Variants in EEPD1 observed in about 807,000 individuals in gnomAD.
EEPD1 encodes endonuclease/exonuclease/phosphatase family domain-containing protein 1.
Under a neutral mutation model 46.3 loss-of-function variants are expected in EEPD1, and 17 were observed. That is an observed-to-expected ratio of 0.37 (90% CI 0.25 to 0.55). The LOEUF is 0.55. EEPD1 is among the 20% of genes least tolerant of loss of function. EEPD1 has a pLI of 0.83. For synonymous variants in EEPD1, 313 were observed against 315.6 expected (o/e 0.99, Z 0.09); for missense variants, 673 against 745.6 (o/e 0.90, Z 1.13).
At chr7:36,280,760 G>T (rs1047823902) in intron 3 of EEPD1, among the ~76,000 whole-genome samples, 12 of 152,186 alleles carry the variant, frequency 7.9e-5, no homozygotes, top group African/African-American at 2.9e-4. Flanking sequence ...CGCTGATCCA[G>T]ATCCTCCTGG....
intron 6 of EEPD1, among the ~76,000 whole-genome samples, chr7:36,295,045 G>C (rs1357021326): frequency 6.6e-6 from 1 of 152,052 alleles, no homozygotes; most frequent in African/African-American, 2.4e-5. Context: ...AGGCGTGGTG[G>C]TCCATACCTG....
chr7:36,230,653 T>C (rs1044677232), intron 2 of EEPD1: 2 of 152,208 alleles, frequency 1.3e-5, no homozygotes, highest in African/African-American at 4.8e-5. Context: ...CTCCCAGCTT[T>C]GTGCAGTGCC....
chr7:36,165,584 C>CT (rs1415050558), intron 2 of EEPD1, among the ~76,000 whole-genome samples: 16 of 51,838 alleles, frequency 3.1e-4, no homozygotes, highest in Non-Finnish European at 6.4e-4. Flanking sequence ...CACGCCCCAG[C>CT]TAATTTATTT....
intron 2 of EEPD1, among the ~76,000 whole-genome samples, chr7:36,156,620 G>A (rs987023591): frequency 1.3e-5 from 2 of 152,176 alleles, no homozygotes; most frequent in Non-Finnish European, 2.9e-5. Context: ...TGGGAGGGGG[G>A]TGATGGATTA....
chr7:36,207,577 T>C (rs564379665), intron 2 of EEPD1, among the ~76,000 whole-genome samples: 1 of 152,306 alleles, frequency 6.6e-6, no homozygotes, highest in African/African-American at 2.4e-5. Flanking sequence ...GGTGGTTCTT[T>C]ATGCAAGGTC....
chr7:36,163,797 G>A (rs528679264), intron 2 of EEPD1, among the ~76,000 whole-genome samples: 1 of 151,796 alleles, frequency 6.6e-6, no homozygotes, highest in Non-Finnish European at 1.5e-5. Context: ...AGAATGGTGT[G>A]GACCTGGGAG....
intron 3 of EEPD1, among the ~76,000 whole-genome samples, chr7:36,248,514 CTTTTT>C (rs35722763): frequency 7.9e-6 from 1 of 126,772 alleles, no homozygotes; most frequent in Non-Finnish European, 1.6e-5. Context: ...GCCAGATACT[CTTTTT>C]TTTTTTTTTT....
At chr7:36,156,732 A>C (rs1234882407) in intron 2 of EEPD1, among the ~76,000 whole-genome samples, 1 of 152,194 alleles carries the variant, frequency 6.6e-6, no homozygotes, top group Non-Finnish European at 1.5e-5. Flanking sequence ...GACCAGCAAC[A>C]TCAGCTACTG....
chr7:36,297,290 G>A (rs932890119), intron 7 of EEPD1, 103 bp downstream of exon 7: 1 of 1,325,836 alleles, frequency 7.5e-7, no homozygotes, highest in African/African-American at 1.5e-5. Flanking sequence ...GCATACATAG[G>A]ATTGTGGTTT....
At chr7:36,281,695 T>G (rs1787263474) in intron 4 of EEPD1, among the ~76,000 whole-genome samples, 1 of 152,240 alleles carries the variant, frequency 6.6e-6, no homozygotes, top group Admixed American at 6.5e-5. Flanking sequence ...TGAATTTTCT[T>G]TCATCAGTAT....
At chr7:36,246,749 T>C (rs559002378) in intron 3 of EEPD1, among the ~76,000 whole-genome samples, 3 of 152,258 alleles carry the variant, frequency 2.0e-5, no homozygotes, top group East Asian at 3.9e-4. Flanking sequence ...TTCCTGAAGA[T>C]GGAGCAGACC....
intron 5 of EEPD1, among the ~76,000 whole-genome samples, chr7:36,286,367 T>G (rs1031307011): frequency 2.0e-5 from 3 of 152,206 alleles, no homozygotes; most frequent in Non-Finnish European, 4.4e-5. Flanking sequence ...GAGCTCTTGG[T>G]CCTGGTTGCT....
chr7:36,157,535 C>T (rs928224616), intron 2 of EEPD1, among the ~76,000 whole-genome samples: 6 of 152,164 alleles, frequency 3.9e-5, no homozygotes, highest in African/African-American at 1.2e-4. Context: ...CTACTGTCGT[C>T]AGGCAAGAGT....
At chr7:36,282,688 C>T (rs770797741) in intron 4 of EEPD1, among the ~76,000 whole-genome samples, 6 of 152,258 alleles carry the variant, frequency 3.9e-5, no homozygotes, top group South Asian at 2.1e-4. Flanking sequence ...TGGAATGCAT[C>T]ATGAACGTAG....
intron 3 of EEPD1, among the ~76,000 whole-genome samples, chr7:36,255,618 A>G (rs1026114413): frequency 6.6e-6 from 1 of 152,176 alleles, no homozygotes; most frequent in Non-Finnish European, 1.5e-5. Context: ...ATTTGCGTAC[A>G]AGTGTTTATA....
intron 2 of EEPD1, among the ~76,000 whole-genome samples, chr7:36,184,275 A>C (rs1399840870): frequency 6.6e-6 from 1 of 152,220 alleles, no homozygotes; most frequent in African/African-American, 2.4e-5. Flanking sequence ...CCACTAAAAA[A>C]AATGCCAAAG....
At chr7:36,242,713 G>A (rs1411874771) in intron 3 of EEPD1, among the ~76,000 whole-genome samples, 2 of 150,820 alleles carry the variant, frequency 1.3e-5, no homozygotes, top group African/African-American at 2.4e-5. Flanking sequence ...ACCTGAGGTC[G>A]GGAGTTCGAG....
At chr7:36,296,768 C>T (rs1386357888) in intron 6 of EEPD1, among the ~76,000 whole-genome samples, 2 of 141,978 alleles carry the variant, frequency 1.4e-5, no homozygotes, top group Admixed American at 7.6e-5. Flanking sequence ...TTTTGTGTCA[C>T]GCTGCCCCTG....
chr7:36,212,555 C>CTTTTTTTTTTT, intron 2 of EEPD1, among the ~76,000 whole-genome samples: 1 of 137,994 alleles, frequency 7.2e-6, no homozygotes, highest in African/African-American at 2.6e-5. Flanking sequence ...TGTAGTGGTT[C>CTTTTTTTTTTT]TTAACCTCTG....
Sources: allele counts gnomAD v4.1 joint callset (sites outside exome capture counted in the v4.1 genomes callset), GRCh38; gene constraint gnomAD v4.1.1; transcripts MANE v1.5; gene names NCBI Gene and HGNC (gene_info 2026-07-23, HGNC 2026-07-21).